TCN2: variants seen among roughly 807,000 people sequenced by gnomAD.
TCN2 encodes the protein transcobalamin 2.
A neutral mutation model predicts 48.6 loss-of-function variants in TCN2; 34 were observed. The ratio of observed to expected loss-of-function variants is 0.70; its 90% CI spans 0.53 to 0.93. The LOEUF (loss-of-function observed/expected upper bound fraction) is 0.93. Ranked by LOEUF, TCN2 falls within the 40% of genes least tolerant of loss-of-function variation. The pLI is 0.00. For synonymous variants in TCN2, 283 were observed against 212.5 expected, an observed-to-expected ratio of 1.33 and a Z score of -2.89; for missense variants, 652 against 526.1, an observed-to-expected ratio of 1.24 and a Z score of -2.34.
chr22:30,623,096 C>T lies in TCN2; in HGVS notation c.1222+13C>T. On this transcript the variant is annotated intron_variant, in intron 8 of 8. Coordinates refer to ENST00000215838, the MANE Select transcript of TCN2 (RefSeq NM_000355.4). ...CCACTGTTGCAAGGTGAGTCATGGC[C>T]TGACACTCTGGATGTGTCCCCTACC... The T allele has an allele frequency of 6.2e-7, 1 of 1,613,446 alleles. No individual in the cohort carries two copies. The highest frequency in any genetic ancestry group is 8.5e-7 in the Non-Finnish European group (1 of 1,179,532).
At chr22:30,613,920 A>G (rs1431831666) in intron 3 of TCN2, among the ~76,000 whole-genome samples, 2 of 152,068 alleles carry the variant, frequency 1.3e-5, no homozygotes, top group Non-Finnish European at 2.9e-5. Context: ...GTTTTTTCAT[A>G]CAGGCTCCCT....
chr22:30,607,499 G>T, intron 1 of TCN2, 104 bp downstream of exon 1: 2 of 1,276,258 alleles, frequency 1.6e-6, no homozygotes, highest in South Asian at 2.6e-5. Flanking sequence ...AGCTCCCATA[G>T]CAGTTTGGGC....
At chr22:30,624,236 A>C (rs1384123775) in intron 8 of TCN2, among the ~76,000 whole-genome samples, 1 of 150,910 alleles carries the variant, frequency 6.6e-6, no homozygotes, top group Non-Finnish European at 1.5e-5. Flanking sequence ...CACCATGCCC[A>C]GTTATTTTTG....
Position 30,614,340 on chromosome 22 carries a change from C to T in TCN2, c.428-9C>T, listed in dbSNP as rs755524582. 24 of 1,613,648 alleles carry T rather than the reference C, an allele frequency of 1.5e-5. No homozygotes were observed. Among genetic ancestry groups the T allele is most frequent in the Non-Finnish European group, 1.6e-5 (19 of 1,179,888 alleles). ...AGAGAGGCAACCCCTCTGTTTTTTT[C>T]CCTCTCAGGGCATGATCACAAGGGC... On this transcript the variant is annotated splice_polypyrimidine_tract_variant and intron_variant, in intron 3 of 8. Transcript: ENST00000215838.
At chr22:30,610,564 C>T (rs974134915) in intron 1 of TCN2, among the ~76,000 whole-genome samples, 13 of 152,238 alleles carry the variant, frequency 8.5e-5, no homozygotes, top group African/African-American at 2.7e-4. Flanking sequence ...GCAAGGTGCC[C>T]GGGCACACCA....
intron 1 of TCN2, among the ~76,000 whole-genome samples, chr22:30,607,807 G>A (rs1211855512): frequency 2.6e-5 from 4 of 152,032 alleles, no homozygotes; most frequent in Non-Finnish European, 5.9e-5. Flanking sequence ...GGGGAGGATC[G>A]CTTGAGCTCA....
rs1370234807 is a variant in TCN2, at chr22:30,624,017, TAC to T, written c.1222+940_1222+941del. 1.4e-4 allele frequency among the ~76,000 whole-genome samples: 11 copies of T among 77,240 alleles called. 4 individuals are homozygous for T. The East Asian group carries it at 1.5e-3, about 11-fold the overall frequency. 50.7% of individuals were successfully genotyped at this position (77,240 alleles called of 152,430 possible). A position where few individuals can be genotyped will look rare whatever the true frequency, so the allele number is the denominator to read the frequency against. Reference sequence around the variant, plus strand: ...ACACACATATATATGTATACATATATACACACATATATATGTATACATATATA... The same window carrying T: ...ACACACATATATATGTATACATATATACACATATATATGTATACATATATA... On this transcript the variant is annotated intron_variant, in intron 8 of 8. Transcript: ENST00000215838.
chr22:30,614,561 C>T, intron 4 of TCN2, 60 bp downstream of exon 4: 12 of 1,606,708 alleles, frequency 7.5e-6, no homozygotes, highest in Non-Finnish European at 9.4e-6. Flanking sequence ...CAGGTCTGCA[C>T]TGATGACCTC....
intron 2 of TCN2, among the ~76,000 whole-genome samples, chr22:30,612,269 CTGGG>C (rs1459528225): frequency 1.3e-5 from 2 of 150,626 alleles, no homozygotes; most frequent in East Asian, 4.0e-4. Flanking sequence ...AAAAATATGG[CTGGG>C]TGTGGTGGCT....
At position 30,617,630 on chromosome 22, in the gene TCN2, A is replaced by T. The variant is rs183013138; in HGVS notation, c.1106+135A>T. 4.2e-5 allele frequency: 50 copies of T among 1,195,490 alleles called. No homozygotes were observed. In the East Asian group the frequency reaches 1.2e-3, roughly 30 times the overall value. 74.1% of individuals were successfully genotyped at this position (1,195,490 alleles called of 1,614,324 possible). ...GCCCTGCTTCTGCTTCTACCTGCTCAGCTCCTTTCTTGCCCACGGTGTTAT... is the reference window on the plus strand; with the variant it reads ...GCCCTGCTTCTGCTTCTACCTGCTCTGCTCCTTTCTTGCCCACGGTGTTAT... On this transcript the variant is annotated intron_variant, in intron 7 of 8. Transcript: ENST00000215838.
chr22:30,609,205 T>C (rs1184540922), intron 1 of TCN2, among the ~76,000 whole-genome samples: 1 of 151,668 alleles, frequency 6.6e-6, no homozygotes, highest in Non-Finnish European at 1.5e-5. Flanking sequence ...TCTCACTATA[T>C]TGCCCAGGGT....
intron 2 of TCN2, among the ~76,000 whole-genome samples, chr22:30,611,639 C>T (rs1378326349): frequency 6.6e-6 from 1 of 152,234 alleles, no homozygotes; most frequent in African/African-American, 2.4e-5. Context: ...ACCTGAATAG[C>T]TGGGATTACA....
In TCN2 at chr22:30,615,437, C is replaced by T. The variant is rs2087598421; in HGVS notation, c.717C>T (p.His239=). 37 of 1,614,208 alleles carry T rather than the reference C, an allele frequency of 2.3e-5. No individual in the cohort carries two copies. Among genetic ancestry groups the T allele is most frequent in the Non-Finnish European group, 3.1e-5 (37 of 1,180,048 alleles). ...EILKAQTPEG[H]FGNVYSTPLA... ...TGAAGGCCCAGACCCCCGAGGGCCACTTTGGGAATGTCTACAGCACCCCAT... is the reference window on the plus strand; with the variant it reads ...TGAAGGCCCAGACCCCCGAGGGCCATTTTGGGAATGTCTACAGCACCCCAT... The change falls in exon 5 of 9, where the codon CAC becomes CAT. Residue 239 remains histidine (H), a synonymous_variant. Coordinates refer to ENST00000215838, the MANE Select transcript of TCN2 (RefSeq NM_000355.4).
intron 8 of TCN2, among the ~76,000 whole-genome samples, chr22:30,624,536 A>ATTC (rs34136060): frequency 0.35 from 53,780 of 151,824 alleles, 9,993 homozygotes; most frequent in Non-Finnish European, 0.42. Context: ...ACAAAAAAGC[A>ATTC]TTCTTTTCTT....
chr22:30,626,362 T>TA (rs2087809704), intron 8 of TCN2, 98 bp from the exon 9 acceptor site: 11 of 1,334,242 alleles, frequency 8.2e-6, no homozygotes, highest in Middle Eastern at 1.9e-4. Flanking sequence ...GGTGGATTCT[T>TA]ACAGACTCTA....
chr22:30,618,398 C>T (rs1199176926), intron 7 of TCN2, among the ~76,000 whole-genome samples: 1 of 152,024 alleles, frequency 6.6e-6, no homozygotes, highest in African/African-American at 2.4e-5. Context: ...TTCACCTAGG[C>T]TGGAGTGCAG....
chr22:30,621,045 T>A (rs2087690045), intron 7 of TCN2, among the ~76,000 whole-genome samples: 1 of 152,152 alleles, frequency 6.6e-6, no homozygotes, highest in Non-Finnish European at 1.5e-5. Context: ...CAGGCTGGAG[T>A]GCAGTGGCAC....
Position 30,622,979 on chromosome 22 carries a change from A to G in TCN2, c.1118A>G (p.Gln373Arg), listed in dbSNP as rs1248431547. The change falls in exon 8 of 9, where the codon CAG becomes CGG. Residue 373 changes from glutamine (Q) to arginine (R), a missense_variant. Physicochemically the swap from Gln to Arg is conservative, Grantham distance 43. Transcript: ENST00000215838. ...HELGGFTYET[Q>R]ASLSGPYLTS... ...TTTCCCTTCTGTAGATATGAAACAC[A>G]GGCCTCCTTGTCAGGCCCCTACTTA... 11 of 1,613,920 alleles carry G rather than the reference A, an allele frequency of 6.8e-6. No individual in the cohort carries two copies. Among genetic ancestry groups the G allele is most frequent in the Non-Finnish European group, 9.3e-6 (11 of 1,179,978 alleles).
At position 30,624,084 on chromosome 22, in the gene TCN2, T is replaced by A. The variant is rs1325086038; in HGVS notation, c.1222+1001T>A. Reference sequence around the variant, plus strand: ...CACATATATATATATATATATATTTTTTTTTTTTGAGATGGAGTCTTGCTC... The same window carrying A: ...CACATATATATATATATATATATTTATTTTTTTTGAGATGGAGTCTTGCTC... On this transcript the variant is annotated intron_variant, in intron 8 of 8. Transcript: ENST00000215838. Among the ~76,000 whole-genome samples, 39 of 113,384 alleles carry A rather than the reference T, an allele frequency of 3.4e-4. 9 individuals carry two copies. The highest frequency in any genetic ancestry group is 1.2e-3 in the East Asian group (4 of 3,366). The allele number at this position is 113,384 out of a possible 152,430, so 74.4% of individuals were successfully genotyped here.
Sources: allele counts gnomAD v4.1 joint callset (sites outside exome capture counted in the v4.1 genomes callset), GRCh38; gene constraint gnomAD v4.1.1; transcripts MANE v1.5; gene names NCBI Gene and HGNC (gene_info 2026-07-23, HGNC 2026-07-21).